TMED10: variants seen among roughly 807,000 people sequenced by gnomAD.
TMED10 encodes the protein transmembrane emp24 domain-containing protein 10.
A neutral mutation model predicts 23.1 loss-of-function variants in TMED10; 7 were observed. That is an observed-to-expected ratio of 0.30 (90% CI 0.17 to 0.57). The LOEUF (loss-of-function observed/expected upper bound fraction) is 0.57. Among genes scored for constraint, TMED10 ranks in the 20% least tolerant of loss-of-function variants. The pLI is 0.91. For synonymous variants in TMED10, 113 were observed against 106.9 expected (o/e 1.06, Z -0.35); for missense variants, 162 against 274.8 (o/e 0.59, Z 2.90).
At chr14:75,139,496 C>T (rs931283103) in intron 3 of TMED10, among the ~76,000 whole-genome samples, 2 of 152,044 alleles carry the variant, frequency 1.3e-5, no homozygotes, top group Admixed American at 6.6e-5. Context: ...TGAGGCCAAG[C>T]GTGGTGGCTC....
chr14:75,135,943 TAAAG>T (rs1895744020), intron 3 of TMED10, 57 bp from the exon 4 acceptor site: 15 of 1,595,116 alleles, frequency 9.4e-6, no homozygotes, highest in African/African-American at 2.7e-5. Context: ...GTCAAGAACA[TAAAG>T]AAGGCAACAG....
rs374942161 is a variant in TMED10 at position 75,176,595 on chromosome 14, T to C, written c.-16A>G. ...AACCAGACATGGTGCTGGAGACTCG[T>C]TCACCACCGAAGGCCTCAACCGCGC... On this transcript the variant is annotated 5_prime_UTR_variant, in exon 1 of 5. Coordinates refer to ENST00000303575, the MANE Select transcript of TMED10 (RefSeq NM_006827.6). 8 of 1,613,450 alleles carry C rather than the reference T, an allele frequency of 5.0e-6. No homozygotes were observed. The Admixed American group carries it at 6.7e-5, about 13-fold the overall frequency.
intron 3 of TMED10, among the ~76,000 whole-genome samples, chr14:75,143,051 G>T (rs909422497): frequency 6.6e-6 from 1 of 151,980 alleles, no homozygotes; most frequent in Non-Finnish European, 1.5e-5. Flanking sequence ...TAGAGACAGG[G>T]TTTCACCATG....
intron 4 of TMED10, 85 bp downstream of exon 4, chr14:75,135,675 G>A: frequency 6.4e-7 from 1 of 1,552,018 alleles, no homozygotes; most frequent in Non-Finnish European, 8.7e-7. Context: ...TGGCAAAACT[G>A]AGAAAAGGGT....
rs1219872685 is a variant in TMED10, at chr14:75,147,711, C to T, written c.364G>A (p.Val122Met). 2 of 1,614,116 alleles carry T rather than the reference C, an allele frequency of 1.2e-6. No individual in the cohort carries two copies. Among genetic ancestry groups the T allele is most frequent in the Non-Finnish European group, 1.7e-6 (2 of 1,180,016 alleles). The stretch of plus-strand genomic sequence containing the variant: ...ACTCCATGCTTCATGTCTAGGATCA[C>T]GAGTTGGTCAGGTATCCGCCCTGTT... ...KGTGRIPDQL[V>M]ILDMKHGVEA... Residue 122 changes from valine (V) to methionine (M), a missense_variant, in exon 3 of 5, where the codon GTG becomes ATG. Around this residue, in one of 2 missense-constraint regions of TMED10, gnomAD observed 126 missense variants for 239.5 expected, o/e 0.53. Transcript: ENST00000303575.
intron 1 of TMED10, among the ~76,000 whole-genome samples, chr14:75,169,293 T>G (rs1371971170): frequency 6.6e-6 from 1 of 152,184 alleles, no homozygotes; most frequent in Non-Finnish European, 1.5e-5. Context: ...CACTGGATAC[T>G]GAGATGTTCC....
chr14:75,173,210 A>G (rs553973478), intron 1 of TMED10, among the ~76,000 whole-genome samples: 132 of 152,246 alleles, frequency 8.7e-4, no homozygotes, highest in African/African-American at 3.0e-3. Context: ...ACATGGCGAA[A>G]CTCCATTTCT....
Position 75,153,276 on chromosome 14 carries a change from AAAAAC to A in TMED10, c.226-1138_226-1134del, listed in dbSNP as rs1185601452. 3.4e-5 allele frequency among the ~76,000 whole-genome samples: 5 copies of A among 145,644 alleles called. No homozygotes were observed. In the East Asian group the frequency reaches 9.8e-4, roughly 29 times the overall value. On this transcript the variant is annotated intron_variant, in intron 1 of 4. Coordinates refer to ENST00000303575, the MANE Select transcript of TMED10 (RefSeq NM_006827.6). ...GTGACAGAGCAAGACTCTGTCTCAA[AAAAAC>A]AAAAACAAAAACAAAAAGGAGAGAA...
At chr14:75,139,033 AAACTATCCAG>A (rs1451331422) in intron 3 of TMED10, 1 of 361,412 alleles carries the variant, frequency 2.8e-6, no homozygotes, top group East Asian at 8.3e-5. Context: ...CTAAAAATTT[AAACTATCCAG>A]AAGCAAAGAG....
intron 1 of TMED10, among the ~76,000 whole-genome samples, chr14:75,157,471 G>A (rs1896032946): frequency 1.3e-5 from 2 of 152,148 alleles, no homozygotes; most frequent in African/African-American, 4.8e-5. Context: ...GGGCAATATA[G>A]TGGGATGCCG....
chr14:75,166,137 C>T (rs1439469195), intron 1 of TMED10, among the ~76,000 whole-genome samples: 1 of 152,084 alleles, frequency 6.6e-6, no homozygotes, highest in Non-Finnish European at 1.5e-5. Flanking sequence ...CGGTAAAAAC[C>T]TCCAGCGTGA....
In TMED10 at chr14:75,134,799, T is replaced by C; in HGVS notation, c.*86A>G. 1.3e-5 allele frequency: 20 copies of C among 1,574,194 alleles called. No individual in the cohort carries two copies. The highest frequency in any genetic ancestry group is 1.7e-5 in the Non-Finnish European group (19 of 1,150,556). On this transcript the variant is annotated 3_prime_UTR_variant, in exon 5 of 5. Transcript: ENST00000303575. ...AAGCTCCAACGTGCCTTGATGGTGC[T>C]GTTGGTAGGATGCCTTAGGCCAGGC...
chr14:75,141,926 AC>A (rs1312381427), intron 3 of TMED10, among the ~76,000 whole-genome samples: 5 of 152,204 alleles, frequency 3.3e-5, no homozygotes, highest in African/African-American at 1.2e-4. Flanking sequence ...GACGCTCTTT[AC>A]TTGCTCTGGA....
intron 2 of TMED10, among the ~76,000 whole-genome samples, chr14:75,148,569 C>T (rs983913907): frequency 1.3e-5 from 2 of 152,088 alleles, no homozygotes; most frequent in African/African-American, 4.8e-5. Context: ...ACTGTTCAGC[C>T]CCAATCCCCT....
At position 75,134,242 on chromosome 14, in the gene TMED10, A is replaced by G. The variant is rs1895721357; in HGVS notation, c.*643T>C. 6.5e-6 allele frequency: 1 copy of G among 154,006 alleles called. No homozygotes were observed. Among genetic ancestry groups the G allele is most frequent in the African/African-American group, 2.4e-5 (1 of 41,464 alleles). The allele number at this position is 154,006 out of a possible 1,614,324, so 9.5% of individuals were successfully genotyped here. Reference sequence around the variant, plus strand: ...GAATTAAATACACATACACGAAAAAAGTTCAAGCAGTTGAGCACAAATATT... The same window carrying G: ...GAATTAAATACACATACACGAAAAAGGTTCAAGCAGTTGAGCACAAATATT... On this transcript the variant is annotated 3_prime_UTR_variant, in exon 5 of 5. Coordinates refer to ENST00000303575, the MANE Select transcript of TMED10 (RefSeq NM_006827.6).
In TMED10 at chr14:75,134,719, G is replaced by T. The variant is rs1420089474; in HGVS notation, c.*166C>A. ...AAAGAAGTCCCTCATTGACTTGTTGGGTGTAGGTGGTACCCCATGTCCTCC... is the reference window on the plus strand; with the variant it reads ...AAAGAAGTCCCTCATTGACTTGTTGTGTGTAGGTGGTACCCCATGTCCTCC... On this transcript the variant is annotated 3_prime_UTR_variant, in exon 5 of 5. Transcript: ENST00000303575. The T allele has an allele frequency of 2.5e-6, 2 of 792,774 alleles. No individual in the cohort carries two copies. Among genetic ancestry groups the T allele is most frequent in the Non-Finnish European group, 3.9e-6 (2 of 510,780 alleles). The allele number at this position is 792,774 out of a possible 1,614,324, so 49.1% of individuals were successfully genotyped here.
chr14:75,134,793 TG>T lies in TMED10; in HGVS notation c.*91del. ...GCAAGAAAGCTCCAACGTGCCTTGATGGTGCTGTTGGTAGGATGCCTTAGGC... is the reference window on the plus strand; with the variant it reads ...GCAAGAAAGCTCCAACGTGCCTTGATGTGCTGTTGGTAGGATGCCTTAGGC... On this transcript the variant is annotated 3_prime_UTR_variant, in exon 5 of 5. Transcript: ENST00000303575. 1 of 1,555,334 alleles carries T rather than the reference TG, an allele frequency of 6.4e-7. No homozygotes were observed. Among genetic ancestry groups the T allele is most frequent in the Non-Finnish European group, 8.8e-7 (1 of 1,135,808 alleles).
chr14:75,143,710 G>A (rs1895850068), intron 3 of TMED10, among the ~76,000 whole-genome samples: 1 of 152,182 alleles, frequency 6.6e-6, no homozygotes, highest in South Asian at 2.1e-4. Context: ...GAGGTGGCCA[G>A]ATCACTTGAG....
intron 1 of TMED10, among the ~76,000 whole-genome samples, chr14:75,168,843 C>T (rs1222004709): frequency 6.6e-6 from 1 of 152,170 alleles, no homozygotes; most frequent in Non-Finnish European, 1.5e-5. Flanking sequence ...GTAAACACTA[C>T]ACTACATGAA....
Sources: allele counts gnomAD v4.1 joint callset (sites outside exome capture counted in the v4.1 genomes callset), GRCh38; gene constraint gnomAD v4.1.1; regional missense constraint gnomAD v4.1.1; transcripts MANE v1.5; gene names NCBI Gene and HGNC (gene_info 2026-07-23, HGNC 2026-07-21).